SAMHD1: variants seen among roughly 807,000 people sequenced by gnomAD.
SAMHD1 encodes the protein deoxynucleoside triphosphate triphosphohydrolase SAMHD1.
SAMHD1 carries 54 observed loss-of-function variants against 79.6 expected under a neutral mutation model. The ratio of observed to expected loss-of-function variants is 0.68; its 90% CI spans 0.55 to 0.85. The LOEUF (loss-of-function observed/expected upper bound fraction) is 0.85. Ranked by LOEUF, SAMHD1 falls within the 40% of genes least tolerant of loss-of-function variation. SAMHD1 has a pLI of 0.00. For synonymous variants in SAMHD1, 260 were observed against 264.1 expected, an observed-to-expected ratio of 0.98 and a Z score of 0.15; for missense variants, 663 against 782.7, an observed-to-expected ratio of 0.85 and a Z score of 1.82.
chr20:36,910,272 C>CA (rs1156543485), intron 11 of SAMHD1, among the ~76,000 whole-genome samples: 1 of 150,780 alleles, frequency 6.6e-6, no homozygotes, highest in Non-Finnish European at 1.5e-5. Flanking sequence ...CCTATAGTCC[C>CA]AAGTAGCCAA....
At chr20:36,945,183 G>A (rs751157536) in intron 2 of SAMHD1, among the ~76,000 whole-genome samples, 11 of 152,234 alleles carry the variant, frequency 7.2e-5, no homozygotes, top group Admixed American at 1.3e-4. Context: ...GACTACAGGT[G>A]CATGCACAGT....
At chr20:36,930,712 CAT>C (rs774178131) in intron 5 of SAMHD1, 46 bp downstream of exon 5, 3 of 1,235,836 alleles carry the variant, frequency 2.4e-6, no homozygotes, top group South Asian at 1.2e-5. Context: ...AGAGAGGTAA[CAT>C]ATGTTATGAT....
chr20:36,951,638 C>T lies in SAMHD1; in HGVS notation c.6G>A (p.Gln2=), dbSNP rs1165168853. The change falls in exon 1 of 16, where the codon CAG becomes CAA. Residue 2 remains glutamine (Q), a synonymous_variant. Coordinates refer to ENST00000646673, the MANE Select transcript of SAMHD1 (RefSeq NM_015474.4). M[Q]RADSEQPSKR... is the part of the protein sequence containing the mutation. ...TGGAGGGCTGCTCGGAATCGGCTCGCTGCATGGCTACACCTGGCGTCCGGC... is the reference window on the plus strand; with the variant it reads ...TGGAGGGCTGCTCGGAATCGGCTCGTTGCATGGCTACACCTGGCGTCCGGC... 6.2e-7 allele frequency: 1 copy of T among 1,613,550 alleles called. No individual in the cohort carries two copies. The highest frequency in any genetic ancestry group is 1.3e-5 in the African/African-American group (1 of 75,044).
At chr20:36,917,131 C>G in intron 7 of SAMHD1, 82 bp from the exon 8 acceptor site, 1 of 852,842 alleles carries the variant, frequency 1.2e-6, no homozygotes. Context: ...TTTTATTAAT[C>G]TGTAAAATAT....
chr20:36,912,232 A>C, intron 10 of SAMHD1: 1 of 517,458 alleles, frequency 1.9e-6, no homozygotes, highest in Non-Finnish European at 3.5e-6. Context: ...TCTTCCCTTC[A>C]TCTGCCCCTT....
Position 36,941,093 on chromosome 20 carries a change from C to T in SAMHD1, c.294G>A (p.Lys98=), listed in dbSNP as rs535408526. 13 of 1,612,866 alleles carry T rather than the reference C, an allele frequency of 8.1e-6. No individual in the cohort carries two copies. Among genetic ancestry groups the T allele is most frequent in the Non-Finnish European group, 1.1e-5 (13 of 1,179,064 alleles). Residue 98 remains lysine (K), a synonymous_variant, in exon 3 of 16, where the codon AAG becomes AAA. Transcript: ENST00000646673. ...ATCGCTGGATATAACTAAGCAGCTTCTTCCTCTCCCCCAAGGAACTAAAAT... is the reference window on the plus strand; with the variant it reads ...ATCGCTGGATATAACTAAGCAGCTTTTTCCTCTCCCCCAAGGAACTAAAAT... ...NLGVSSLGER[K]KLLSYIQRLV...
At chr20:36,909,905 G>A (rs1263754826) in intron 11 of SAMHD1, among the ~76,000 whole-genome samples, 9 of 151,548 alleles carry the variant, frequency 5.9e-5, no homozygotes, top group Non-Finnish European at 1.3e-4. Flanking sequence ...AACATAATGG[G>A]ACCCTGTCTC....
intron 13 of SAMHD1, among the ~76,000 whole-genome samples, chr20:36,902,403 G>A (rs558943559): frequency 2.2e-4 from 34 of 152,190 alleles, no homozygotes; most frequent in African/African-American, 8.2e-4. Context: ...GGCTGGTCCC[G>A]AACTCCTGAC....
intron 1 of SAMHD1, among the ~76,000 whole-genome samples, chr20:36,949,865 G>C (rs547598885): frequency 9.9e-5 from 15 of 151,732 alleles, no homozygotes; most frequent in African/African-American, 3.6e-4. Context: ...GAACCTGGAC[G>C]AGCAAGGGAA....
In SAMHD1 at chr20:36,904,182, A is replaced by T; in HGVS notation, c.1478T>A (p.Leu493Gln). The T allele has an allele frequency of 6.2e-7, 1 of 1,613,162 alleles. No individual in the cohort carries two copies. Among genetic ancestry groups the T allele is most frequent in the Non-Finnish European group, 8.5e-7 (1 of 1,179,152 alleles). ...AKPKVLLDVK[L>Q]KAEDFIVDVI... ...ATCCACTATAAAATCTTCAGCCTTC[A>T]GTTTCACGTCTAGCAATACTTTGGG... Residue 493 changes from leucine to glutamine, a missense_variant, in exon 13 of 16, where the codon CTG (leucine) becomes CAG (glutamine). Physicochemically the swap from Leu to Gln is moderately radical, Grantham distance 113 (BLOSUM62 -2). Transcript: ENST00000646673.
chr20:36,928,993 G>T (rs1220771389), intron 5 of SAMHD1, among the ~76,000 whole-genome samples: 1 of 151,390 alleles, frequency 6.6e-6, no homozygotes, highest in African/African-American at 2.4e-5. Context: ...GGAGGTGGAG[G>T]TTGTGGTGAG....
In SAMHD1 at chr20:36,890,491, T is replaced by C. The variant is rs994488489; in HGVS notation, c.*2441A>G. 1 of 151,304 alleles carries C rather than the reference T, an allele frequency of 6.6e-6. No individual in the cohort carries two copies. Among genetic ancestry groups the C allele is most frequent in the African/African-American group, 2.4e-5 (1 of 41,160 alleles). The allele number at this position is 151,304 out of a possible 1,614,324, so 9.4% of individuals were successfully genotyped here. Reference sequence around the variant, plus strand: ...TTCTTTCTTTTTGTTTGAGACAGAGTTTCGCTCTTGACCCCGAGGCTGGAG... The same window carrying C: ...TTCTTTCTTTTTGTTTGAGACAGAGCTTCGCTCTTGACCCCGAGGCTGGAG... On this transcript the variant is annotated 3_prime_UTR_variant, in exon 16 of 16. Coordinates refer to ENST00000646673, the MANE Select transcript of SAMHD1 (RefSeq NM_015474.4).
At chr20:36,922,089 G>A (rs1380005286) in intron 6 of SAMHD1, among the ~76,000 whole-genome samples, 2 of 152,154 alleles carry the variant, frequency 1.3e-5, no homozygotes, top group African/African-American at 4.8e-5. Context: ...CCACAAAATA[G>A]CTCAGTTGCT....
intron 6 of SAMHD1, among the ~76,000 whole-genome samples, chr20:36,925,873 T>G (rs2063533060): frequency 1.3e-5 from 2 of 152,082 alleles, no homozygotes; most frequent in African/African-American, 2.4e-5. Context: ...CTGATGGGAG[T>G]GTAAAATGGT....
At chr20:36,925,348 G>A (rs1000012025) in intron 6 of SAMHD1, among the ~76,000 whole-genome samples, 1 of 152,140 alleles carries the variant, frequency 6.6e-6, no homozygotes, top group African/African-American at 2.4e-5. Context: ...TGAAGGTCCT[G>A]GAGAGAGACC....
At chr20:36,916,890 A>T in intron 8 of SAMHD1, 59 bp downstream of exon 8, 3 of 1,569,978 alleles carry the variant, frequency 1.9e-6, no homozygotes, top group Non-Finnish European at 2.6e-6. Context: ...TACCTTAAAT[A>T]GTAATACTAA....
At chr20:36,918,009 T>C (rs1487994406) in intron 7 of SAMHD1, among the ~76,000 whole-genome samples, 1 of 152,114 alleles carries the variant, frequency 6.6e-6, no homozygotes, top group Admixed American at 6.6e-5. Context: ...CTATAAATAT[T>C]TCAAATATGA....
chr20:36,925,920 A>T (rs1306680563), intron 6 of SAMHD1, among the ~76,000 whole-genome samples: 10 of 152,204 alleles, frequency 6.6e-5, no homozygotes, highest in African/African-American at 2.4e-4. Flanking sequence ...TTTCTTATAG[A>T]ATTAAATACA....
At position 36,927,249 on chromosome 20, in the gene SAMHD1, T is replaced by G; in HGVS notation, c.629A>C (p.His210Pro). The change falls in exon 6 of 16, where the codon CAT becomes CCT. Residue 210 changes from histidine (H) to proline (P), a missense_variant. His to Pro is a moderately conservative substitution (Grantham distance 77). Transcript: ENST00000646673. ...QIAGLCHDLGHGPFSHMFDGR... is the reference protein window; with the variant it reads ...QIAGLCHDLGPGPFSHMFDGR... ...ATCAAACATGTGAGAAAATGGCCCATGACCTTAAAAACAAAAGCAGCCTTA... is the reference window on the plus strand; with the variant it reads ...ATCAAACATGTGAGAAAATGGCCCAGGACCTTAAAAACAAAAGCAGCCTTA... 5 of 1,612,940 alleles carry G rather than the reference T, an allele frequency of 3.1e-6. No individual in the cohort carries two copies. The highest frequency in any genetic ancestry group is 4.2e-6 in the Non-Finnish European group (5 of 1,179,654).
Sources: gnomAD v4.1 joint callset for allele counts (sites outside exome capture counted in the v4.1 genomes callset) on GRCh38, gnomAD v4.1.1 for gene constraint, MANE v1.5 for transcripts, NCBI Gene and HGNC (gene_info 2026-07-23, HGNC 2026-07-21) for gene names.